Variants in HYCC1 observed in about 807,000 individuals in gnomAD.
HYCC1 encodes the protein hyccin.
At chr7:22,909,179 T>C in the HYCC1 span, among the ~76,000 whole-genome samples, 1 of 152,192 alleles carries the variant, frequency 6.6e-6, no homozygotes, top group African/African-American at 2.4e-5. Context: ...GGGAAAGTGA[T>C]TGGATCACAG....
At chr7:22,994,152 G>A in the HYCC1 span, among the ~76,000 whole-genome samples, 2 of 152,034 alleles carry the variant, frequency 1.3e-5, no homozygotes, top group Non-Finnish European at 2.9e-5. Context: ...GCTACAGCAG[G>A]TATTTTTTAA....
At chr7:23,003,987 G>A in the HYCC1 span, among the ~76,000 whole-genome samples, 1 of 152,166 alleles carries the variant, frequency 6.6e-6, no homozygotes, top group Non-Finnish European at 1.5e-5. Flanking sequence ...AAACATTATA[G>A]TAACCAAAGC....
chr7:22,930,474 A>C, the HYCC1 span, among the ~76,000 whole-genome samples: 2 of 151,906 alleles, frequency 1.3e-5, no homozygotes, highest in African/African-American at 4.8e-5. Context: ...CTAGTAATCA[A>C]AAAAAACTTT....
At chr7:22,964,593 C>T in the HYCC1 span, 3 of 899,090 alleles carry the variant, frequency 3.3e-6, no homozygotes, top group African/African-American at 3.3e-5. Context: ...TTTATTTTAA[C>T]ATTTATAAGC....
At chr7:22,926,172 C>A in the HYCC1 span, among the ~76,000 whole-genome samples, 1 of 151,962 alleles carries the variant, frequency 6.6e-6, no homozygotes, top group Non-Finnish European at 1.5e-5. Flanking sequence ...TAAAAGAGCT[C>A]CTGAAGGAAG....
the HYCC1 span, chr7:22,944,792 C>A: frequency 1.3e-5 from 2 of 152,314 alleles, no homozygotes; most frequent in South Asian, 4.1e-4. Context: ...AGCTTTACAG[C>A]CTATTATACC....
the HYCC1 span, chr7:22,991,204 A>T: frequency 9.5e-7 from 1 of 1,048,208 alleles, no homozygotes; most frequent in Admixed American, 1.8e-5. Flanking sequence ...ATTACTATGA[A>T]CAGAGATAAT....
At chr7:22,944,005 C>A in the HYCC1 span, 1 of 152,178 alleles carries the variant, frequency 6.6e-6, no homozygotes, top group South Asian at 2.1e-4. Context: ...GCAGTTAAAA[C>A]TATGTCCAGA....
the HYCC1 span, chr7:22,937,870 T>C: frequency 2.6e-5 from 4 of 152,218 alleles, no homozygotes; most frequent in African/African-American, 9.6e-5. Flanking sequence ...ATCTTTGCGA[T>C]CTTCAGCAGA....
At chr7:22,967,780 G>A in the HYCC1 span, among the ~76,000 whole-genome samples, 1 of 152,066 alleles carries the variant, frequency 6.6e-6, no homozygotes, top group African/African-American at 2.4e-5. Flanking sequence ...TAAGAAGAGT[G>A]GATAATTATT....
chr7:22,947,710 C>T, the HYCC1 span, among the ~76,000 whole-genome samples: 1 of 147,010 alleles, frequency 6.8e-6, no homozygotes, highest in Non-Finnish European at 1.5e-5. Flanking sequence ...CCAAGCCACA[C>T]AGAAGTTCCC....
chr7:22,992,584 G>A, the HYCC1 span, among the ~76,000 whole-genome samples: 1 of 151,930 alleles, frequency 6.6e-6, no homozygotes, highest in African/African-American at 2.4e-5. Context: ...TAACTTGTTT[G>A]TTTTTATATT....
the HYCC1 span, among the ~76,000 whole-genome samples, chr7:22,948,564 T>G: frequency 6.6e-6 from 1 of 152,008 alleles, no homozygotes; most frequent in Non-Finnish European, 1.5e-5. Flanking sequence ...ACTGCTCTAT[T>G]CTGATTCTTT....
the HYCC1 span, chr7:22,978,472 T>C: frequency 6.3e-7 from 1 of 1,594,772 alleles, no homozygotes; most frequent in Non-Finnish European, 8.6e-7. Context: ...AAAATGTTAA[T>C]TCAAGAACTG....
At chr7:22,912,888 T>C in the HYCC1 span, among the ~76,000 whole-genome samples, 1 of 152,146 alleles carries the variant, frequency 6.6e-6, no homozygotes, top group Non-Finnish European at 1.5e-5. Context: ...ATCCCAGCAC[T>C]TTGGGAAGCC....
chr7:22,919,191 T>C, the HYCC1 span, among the ~76,000 whole-genome samples: 3 of 152,158 alleles, frequency 2.0e-5, no homozygotes, highest in Non-Finnish European at 2.9e-5. Flanking sequence ...AAAGTAGCCA[T>C]TATATACGTA....
At chr7:23,001,712 G>GA in the HYCC1 span, among the ~76,000 whole-genome samples, 5 of 152,016 alleles carry the variant, frequency 3.3e-5, no homozygotes, top group East Asian at 9.7e-4. Context: ...TGAAGGAAAA[G>GA]AAAAAAGATG....
the HYCC1 span, among the ~76,000 whole-genome samples, chr7:22,960,752 T>A: frequency 1.3e-5 from 2 of 152,184 alleles, no homozygotes; most frequent in Non-Finnish European, 2.9e-5. Flanking sequence ...GTCAGTCTAA[T>A]AAAAATTTTT....
At chr7:22,925,593 C>T in the HYCC1 span, among the ~76,000 whole-genome samples, 4 of 151,610 alleles carry the variant, frequency 2.6e-5, no homozygotes, top group Non-Finnish European at 5.9e-5. Flanking sequence ...TGATGGAAGA[C>T]AAAATGAATG....
Sources: allele counts gnomAD v4.1 joint callset (sites outside exome capture counted in the v4.1 genomes callset), GRCh38; gene constraint gnomAD v4.1.1; transcripts MANE v1.5; gene names NCBI Gene and HGNC (gene_info 2026-07-23, HGNC 2026-07-21).